Variants in MYO18B observed in about 807,000 individuals in gnomAD.
MYO18B encodes unconventional myosin-XVIIIb.
MYO18B carries 204 observed loss-of-function variants against 273.0 expected under a neutral mutation model. That is an observed-to-expected ratio of 0.75 (90% confidence interval 0.67 to 0.84). The LOEUF is 0.84. MYO18B is among the 40% of genes least tolerant of loss of function. The pLI is 0.00. For synonymous variants in MYO18B, 1,330 were observed against 1,305.7 expected, an observed-to-expected ratio of 1.02 and a Z score of -0.40; for missense variants, 3,212 against 3,287.6, an observed-to-expected ratio of 0.98 and a Z score of 0.56.
At chr22:25,856,841 C>T (rs758747318) in intron 21 of MYO18B, among the ~76,000 whole-genome samples, 1 of 152,166 alleles carries the variant, frequency 6.6e-6, no homozygotes, top group East Asian at 1.9e-4. Context: ...TTCAGTGATG[C>T]TCCTCTGAAG....
chr22:25,752,109 C>T (rs2085944888), intron 1 of MYO18B, among the ~76,000 whole-genome samples: 1 of 146,154 alleles, frequency 6.8e-6, no homozygotes, highest in South Asian at 2.3e-4. Flanking sequence ...CTGCTCTGTC[C>T]CTTCTCAGGC....
intron 11 of MYO18B, among the ~76,000 whole-genome samples, chr22:25,788,066 A>C (rs1192129656): frequency 2.0e-5 from 3 of 152,236 alleles, no homozygotes; most frequent in African/African-American, 4.8e-5. Flanking sequence ...GTGTCAAAGA[A>C]GCATTTGAAG....
At chr22:26,007,221 G>A (rs1164734292) in intron 42 of MYO18B, among the ~76,000 whole-genome samples, 1 of 152,148 alleles carries the variant, frequency 6.6e-6, no homozygotes, top group African/African-American at 2.4e-5. Context: ...GCTCACAGTT[G>A]GTGCTCAATA....
chr22:25,978,273 A>G (rs965189112), intron 39 of MYO18B, among the ~76,000 whole-genome samples: 1 of 152,180 alleles, frequency 6.6e-6, no homozygotes, highest in African/African-American at 2.4e-5. Flanking sequence ...GGAGGTGATT[A>G]TGGAATGGGG....
chr22:25,911,397 C>T (rs1185583635), intron 33 of MYO18B, among the ~76,000 whole-genome samples: 2 of 152,224 alleles, frequency 1.3e-5, no homozygotes, highest in Non-Finnish European at 2.9e-5. Context: ...ATGACTTTTG[C>T]TAGAAGCAGT....
At chr22:25,797,729 A>G (rs1039069610) in intron 11 of MYO18B, among the ~76,000 whole-genome samples, 1 of 152,240 alleles carries the variant, frequency 6.6e-6, no homozygotes, top group Non-Finnish European at 1.5e-5. Flanking sequence ...ACATGAAGGA[A>G]TAAAAGCCAC....
downstream of MYO18B, among the ~76,000 whole-genome samples, chr22:26,034,127 A>G (rs984182893): frequency 4.6e-5 from 7 of 152,006 alleles, no homozygotes; most frequent in Admixed American, 2.0e-4. Context: ...TAATTTTTGT[A>G]TTTTTAGTAG....
chr22:25,768,741 G>C lies in MYO18B; in HGVS notation c.825G>C (p.Glu275Asp), dbSNP rs1469840586. Residue 275 changes from glutamate (E) to aspartate (D), a missense_variant, in exon 4 of 44, where the codon GAG becomes GAC. Coordinates refer to ENST00000335473, the MANE Select transcript of MYO18B (RefSeq NM_032608.7). ...GGCCCCAAGCCCAAGGGCCCGGCGA[G>C]GGGGTGCGACCAGGGAAAGCAGAGA... ...GTRPQAQGPGEGVRPGKAEKE... is the reference protein window; with the variant it reads ...GTRPQAQGPGDGVRPGKAEKE... 2 of 1,602,226 alleles carry C rather than the reference G, an allele frequency of 1.2e-6. No homozygotes were observed. The highest frequency in any genetic ancestry group is 1.7e-5 in the Admixed American group (1 of 58,068).
At position 25,878,043 on chromosome 22, in the gene MYO18B, A is replaced by C; in HGVS notation, c.4309A>C (p.Ser1437Arg). 1.3e-6 allele frequency: 2 copies of C among 1,578,092 alleles called. No homozygotes were observed. Among genetic ancestry groups the C allele is most frequent in the Non-Finnish European group, 1.7e-6 (2 of 1,161,368 alleles). The change falls in exon 25 of 44, where the codon AGC becomes CGC. Residue 1437 changes from serine to arginine, a missense_variant. Coordinates refer to ENST00000335473, the MANE Select transcript of MYO18B (RefSeq NM_032608.7). ...ELRQNTDLLE[S>R]KIADLTSDLA... ...CCGGCAGAACACAGATCTGCTAGAAAGCAAGGTATCCCCATCCCTCCTCTT... is the reference window on the plus strand; with the variant it reads ...CCGGCAGAACACAGATCTGCTAGAACGCAAGGTATCCCCATCCCTCCTCTT...
At chr22:26,020,944 C>A (rs1002389573) in intron 42 of MYO18B, among the ~76,000 whole-genome samples, 1 of 152,108 alleles carries the variant, frequency 6.6e-6, no homozygotes, top group African/African-American at 2.4e-5. Flanking sequence ...CAAAAATTAG[C>A]CTGGCATGGT....
In MYO18B at chr22:25,777,771, C is replaced by T. The variant is rs377634633; in HGVS notation, c.2058C>T (p.Gly686=). 11 of 1,597,406 alleles carry T rather than the reference C, an allele frequency of 6.9e-6. No homozygotes were observed. The highest frequency in any genetic ancestry group is 1.3e-5 in the African/African-American group (1 of 74,590). The change falls in exon 8 of 44, where the codon GGC becomes GGT. Residue 686 remains glycine (G), a synonymous_variant. Transcript: ENST00000335473. ...TGGGGATGGCAGGCAGTGTGGATGG[C>T]AGGGTCTCAGGTATGGTGGTCTCTA... ...HLVGMAGSVD[G]RVSVEKIRAT...
At chr22:25,911,082 G>A (rs2092148845) in intron 33 of MYO18B, 32 bp downstream of exon 33, 2 of 1,506,160 alleles carry the variant, frequency 1.3e-6, no homozygotes, top group African/African-American at 1.4e-5. Flanking sequence ...ACATTCAGAG[G>A]AGTATCTCAG....
intron 10 of MYO18B, among the ~76,000 whole-genome samples, chr22:25,782,632 G>A (rs1421319254): frequency 6.6e-6 from 1 of 152,212 alleles, no homozygotes; most frequent in African/African-American, 2.4e-5. Context: ...GAAAAAGTGG[G>A]TTTTCCCACA....
At chr22:25,785,236 G>A (rs1416165221) in intron 10 of MYO18B, among the ~76,000 whole-genome samples, 192 bp from the exon 11 acceptor site, 1 of 152,214 alleles carries the variant, frequency 6.6e-6, no homozygotes, top group Non-Finnish European at 1.5e-5. Context: ...GGCCAAGTGA[G>A]GGCTGTGCGT....
chr22:25,843,985 T>A, intron 18 of MYO18B, 91 bp downstream of exon 18: 1 of 1,200,962 alleles, frequency 8.3e-7, no homozygotes, highest in Non-Finnish European at 1.1e-6. Flanking sequence ...TACAACACAG[T>A]GTGGGAGGGC....
chr22:25,905,831 G>A (rs2092031908), intron 31 of MYO18B, among the ~76,000 whole-genome samples: 1 of 152,162 alleles, frequency 6.6e-6, no homozygotes, highest in Non-Finnish European at 1.5e-5. Context: ...TGAAGAAGGT[G>A]GAATATCTGT....
intron 1 of MYO18B, among the ~76,000 whole-genome samples, chr22:25,749,404 G>C (rs2085872894): frequency 6.6e-6 from 1 of 152,232 alleles, no homozygotes; most frequent in African/African-American, 2.4e-5. Context: ...GGTGGACAGG[G>C]ACCACTTGAA....
chr22:25,744,595 G>C (rs532027306), intron 1 of MYO18B, among the ~76,000 whole-genome samples: 1 of 152,090 alleles, frequency 6.6e-6, no homozygotes, highest in African/African-American at 2.4e-5. Flanking sequence ...TTAGCCGGGC[G>C]TGGTGGTGGG....
At chr22:25,792,609 C>CT (rs1286023717) in intron 11 of MYO18B, among the ~76,000 whole-genome samples, 1 of 151,064 alleles carries the variant, frequency 6.6e-6, no homozygotes, top group African/African-American at 2.4e-5. Flanking sequence ...ATTCGCCTGC[C>CT]TTAGCCTCCC....
Sources: allele counts gnomAD v4.1 joint callset (sites outside exome capture counted in the v4.1 genomes callset), GRCh38; gene constraint gnomAD v4.1.1; transcripts MANE v1.5; gene names NCBI Gene and HGNC (gene_info 2026-07-23, HGNC 2026-07-21).